The following MBNL2 variants were observed in gnomAD, a reference collection of about 807,000 sequenced individuals.
The protein encoded by MBNL2 is muscleblind-like protein 2.
A neutral mutation model predicts 41.9 loss-of-function variants in MBNL2; 17 were observed. That is an observed-to-expected ratio of 0.41 (90% CI 0.28 to 0.61). The LOEUF is 0.61. Among genes scored for constraint, MBNL2 ranks in the 20% least tolerant of loss-of-function variants. MBNL2 has a pLI of 0.35. For missense variants in MBNL2, 336 were observed against 505.6 expected (o/e 0.66, Z 3.22); for synonymous variants, 195 against 182.9 (o/e 1.07, Z -0.53).
At chr13:97,203,486 G>A in the MBNL2 span, among the ~76,000 whole-genome samples, 7 of 152,228 alleles carry the variant, frequency 4.6e-5, no homozygotes, top group East Asian at 1.4e-3. Flanking sequence ...CTGTGCTCCG[G>A]GGAAAAATGC....
the MBNL2 span, among the ~76,000 whole-genome samples, chr13:97,178,826 G>A: frequency 6.6e-6 from 1 of 152,156 alleles, no homozygotes; most frequent in Admixed American, 6.5e-5. Context: ...GAGCCCAGGA[G>A]GTCGAGGCTG....
At position 97,268,878 on chromosome 13, in the gene MBNL2, A is replaced by T. The variant is rs2050358561; in HGVS notation, c.-604-6754A>T. 6.6e-6 allele frequency among the ~76,000 whole-genome samples: 1 copy of T among 152,244 alleles called. No individual in the cohort carries two copies. The highest frequency in any genetic ancestry group is 1.5e-5 in the Non-Finnish European group (1 of 68,046). ...ATTAAGGAATAATGATACCTATTTA[A>T]AAATAATGACCAGGCAGTATTAAAG... On this transcript the variant is annotated intron_variant, in intron 1 of 8. Coordinates refer to ENST00000679496, the MANE Select transcript of MBNL2 (RefSeq NM_001382683.1). This position sits in a 1 kb window ranked among gnomAD's most constrained non-coding sequence, Gnocchi z 4.6.
intron 1 of MBNL2, among the ~76,000 whole-genome samples, chr13:97,252,139 C>T (rs1442244822): frequency 1.3e-5 from 2 of 152,040 alleles, no homozygotes; most frequent in African/African-American, 2.4e-5. Context: ...CGTGAGCCAC[C>T]GCGCCCGGCC....
At chr13:97,249,719 G>A (rs972573567) in intron 1 of MBNL2, among the ~76,000 whole-genome samples, 44 of 152,138 alleles carry the variant, frequency 2.9e-4, no homozygotes, top group Admixed American at 5.2e-4. Flanking sequence ...AGGAGCCGCT[G>A]AATTTTCTTT....
the MBNL2 span, among the ~76,000 whole-genome samples, chr13:97,185,082 TTTAA>T: frequency 6.6e-6 from 1 of 152,222 alleles, no homozygotes; most frequent in Non-Finnish European, 1.5e-5. Context: ...TTTTCATGCT[TTTAA>T]TTGTTGCATA....
intron 2 of MBNL2, among the ~76,000 whole-genome samples, chr13:97,294,579 T>G (rs561567074): frequency 2.0e-5 from 3 of 152,380 alleles, no homozygotes; most frequent in East Asian, 3.9e-4. Context: ...CGGGGACTTA[T>G]GGAGGCATCT....
chr13:97,211,983 G>C, the MBNL2 span, among the ~76,000 whole-genome samples: 1 of 152,110 alleles, frequency 6.6e-6, no homozygotes. Context: ...AGGGGAGATG[G>C]GGAAATATCT....
At chr13:97,174,199 G>T in the MBNL2 span, among the ~76,000 whole-genome samples, 1 of 152,160 alleles carries the variant, frequency 6.6e-6, no homozygotes, top group Non-Finnish European at 1.5e-5. Context: ...AATGAAGCTG[G>T]TGGGTGGGCA....
the MBNL2 span, among the ~76,000 whole-genome samples, chr13:97,146,498 A>T: frequency 5.3e-5 from 8 of 152,146 alleles, no homozygotes; most frequent in Non-Finnish European, 1.2e-4. Flanking sequence ...TTGGCCAGGG[A>T]TCTCACTTGA....
At chr13:97,331,577 T>C (rs758189070) in intron 2 of MBNL2, among the ~76,000 whole-genome samples, 5 of 152,224 alleles carry the variant, frequency 3.3e-5, no homozygotes, top group African/African-American at 7.2e-5. Flanking sequence ...CGTGATGTAA[T>C]TGGGTCAGGT....
chr13:97,359,699 A>G (rs2063255665), intron 7 of MBNL2, among the ~76,000 whole-genome samples: 1 of 152,138 alleles, frequency 6.6e-6, no homozygotes, highest in South Asian at 2.1e-4. Flanking sequence ...GCAACCCTCA[A>G]TACAGTGGGC....
At chr13:97,379,482 G>C (rs1290144258) in intron 8 of MBNL2, among the ~76,000 whole-genome samples, 3 of 152,090 alleles carry the variant, frequency 2.0e-5, no homozygotes, top group African/African-American at 4.8e-5. Context: ...TCAGGTAAAC[G>C]TAACAACACT....
the MBNL2 span, among the ~76,000 whole-genome samples, chr13:97,156,496 C>G: frequency 2.2e-5 from 3 of 135,108 alleles, no homozygotes; most frequent in Non-Finnish European, 4.7e-5. Flanking sequence ...ATGGTAATGC[C>G]TAGGTTTTCT....
chr13:97,297,426 C>T (rs1252210425), intron 2 of MBNL2, among the ~76,000 whole-genome samples: 2 of 152,110 alleles, frequency 1.3e-5, no homozygotes, highest in African/African-American at 4.8e-5. Flanking sequence ...GTGGGCTTAA[C>T]CCCAGTCCAG....
At chr13:97,201,977 A>G in the MBNL2 span, among the ~76,000 whole-genome samples, 3 of 152,210 alleles carry the variant, frequency 2.0e-5, no homozygotes, top group Admixed American at 1.3e-4. Context: ...ATTACACCTA[A>G]AAGATTATGA....
At chr13:97,274,528 A>T (rs1223772117) in intron 1 of MBNL2, among the ~76,000 whole-genome samples, 1 of 152,090 alleles carries the variant, frequency 6.6e-6, no homozygotes, top group African/African-American at 2.4e-5. Flanking sequence ...AAAAAAAAAA[A>T]TTATTGCTCT....
At chr13:97,276,991 T>C (rs2052293520) in intron 2 of MBNL2, among the ~76,000 whole-genome samples, 1 of 152,220 alleles carries the variant, frequency 6.6e-6, no homozygotes, top group African/African-American at 2.4e-5. Flanking sequence ...ATGAGCTTAC[T>C]GTCTGGCAGG....
At chr13:97,324,939 G>A (rs1006339476) in intron 2 of MBNL2, among the ~76,000 whole-genome samples, 1 of 152,150 alleles carries the variant, frequency 6.6e-6, no homozygotes. Context: ...CAGCCGATTA[G>A]ATGGTGCCCA....
chr13:97,155,595 G>T, the MBNL2 span, among the ~76,000 whole-genome samples: 5 of 144,874 alleles, frequency 3.5e-5, no homozygotes, highest in African/African-American at 1.0e-4. Context: ...CCCTTCCTGT[G>T]TCCATGTGAT....
Sources: allele counts gnomAD v4.1 joint callset (sites outside exome capture counted in the v4.1 genomes callset), GRCh38; gene constraint gnomAD v4.1.1; non-coding constraint Gnocchi (gnomAD v3.1); transcripts MANE v1.5; gene names NCBI Gene and HGNC (gene_info 2026-07-23, HGNC 2026-07-21).